TENM1: variants seen among roughly 807,000 people sequenced by gnomAD.
TENM1 encodes the protein teneurin transmembrane protein 1.
TENM1 carries 35 observed loss-of-function variants against 174.8 expected under a neutral mutation model. The observed-to-expected ratio is 0.20, with a 90% CI of 0.15 to 0.27. TENM1 has a LOEUF of 0.27. Among genes scored for constraint, TENM1 ranks in the 10% least tolerant of loss-of-function variants. The pLI is 1.00. For missense variants in TENM1, 1,633 were observed against 2,130.1 expected, an observed-to-expected ratio of 0.77 and a Z score of 4.59; for synonymous variants, 781 against 798.7, an observed-to-expected ratio of 0.98 and a Z score of 0.37.
At chrX:124,976,380 ACT>A in the TENM1 span, among the ~76,000 whole-genome samples, 1 of 111,657 alleles carries the variant, frequency 9.0e-6, no homozygotes, top group Non-Finnish European at 1.9e-5. Flanking sequence ...CAGAGCCTGT[ACT>A]CTTAATTTCT....
chrX:124,591,032 C>G (rs1259974883), intron 11 of TENM1, among the ~76,000 whole-genome samples: 1 of 111,787 alleles, frequency 8.9e-6, no homozygotes, highest in Non-Finnish European at 1.9e-5. Flanking sequence ...TCTGTTTTAT[C>G]TGATATAAGA....
chrX:124,444,403 G>A lies in TENM1; in HGVS notation c.4104+8934C>T, dbSNP rs181366244. Among the ~76,000 whole-genome samples, 723 of 111,982 alleles carry A rather than the reference G, an allele frequency of 6.5e-3. 4 individuals are homozygous for A. Among genetic ancestry groups the A allele is most frequent in the African/African-American group, 0.022 (672 of 30,824 alleles). On this transcript the variant is annotated intron_variant, in intron 23 of 31. Coordinates refer to ENST00000422452, the Ensembl canonical transcript of TENM1. Reference sequence around the variant, plus strand: ...AATTACATCACATCATATGTCAAATGTGTGATACAGCTGTGAAAAAATCCC... The same window carrying A: ...AATTACATCACATCATATGTCAAATATGTGATACAGCTGTGAAAAAATCCC...
At chrX:125,028,765 TA>T in the TENM1 span, among the ~76,000 whole-genome samples, 1 of 111,053 alleles carries the variant, frequency 9.0e-6, no homozygotes, top group Non-Finnish European at 1.9e-5. Context: ...CTGCAACCAA[TA>T]AAAAACAAAG....
At chrX:124,828,320 A>T (rs751416607) in intron 3 of TENM1, among the ~76,000 whole-genome samples, 1 of 112,086 alleles carries the variant, frequency 8.9e-6, no homozygotes. Context: ...TTTCTTTACA[A>T]TTCTTAGATC....
At chrX:124,391,536 GAA>G (rs1490403092) in intron 28 of TENM1, among the ~76,000 whole-genome samples, 1 of 111,286 alleles carries the variant, frequency 9.0e-6, no homozygotes, top group African/African-American at 3.3e-5. Context: ...TCAGTGTACA[GAA>G]AAGAGTATTA....
intron 3 of TENM1, among the ~76,000 whole-genome samples, chrX:124,823,010 C>T (rs958764080): frequency 1.1e-4 from 12 of 112,288 alleles, no homozygotes; most frequent in African/African-American, 3.2e-4. Context: ...TGACCAAGTC[C>T]TAACTGGGTT....
chrX:125,149,113 G>A, the TENM1 span, among the ~76,000 whole-genome samples: 7 of 106,928 alleles, frequency 6.5e-5, no homozygotes, highest in African/African-American at 2.4e-4. Flanking sequence ...GTGTCCCAAT[G>A]CCACTGATGC....
intron 3 of TENM1, among the ~76,000 whole-genome samples, chrX:124,788,560 G>C (rs2055098095): frequency 8.9e-6 from 1 of 112,576 alleles, no homozygotes; most frequent in Non-Finnish European, 1.9e-5. Context: ...TACAGGCATT[G>C]GGTAAATACA....
At chrX:124,780,321 T>G (rs2054879747) in intron 3 of TENM1, among the ~76,000 whole-genome samples, 1 of 112,396 alleles carries the variant, frequency 8.9e-6, no homozygotes, top group Non-Finnish European at 1.9e-5. Context: ...GGTTGTTAGC[T>G]TTTAAGAAAT....
chrX:124,440,259 A>G (rs2060888812), intron 23 of TENM1, among the ~76,000 whole-genome samples: 1 of 112,326 alleles, frequency 8.9e-6, no homozygotes, highest in Non-Finnish European at 1.9e-5. Context: ...CAAAATCAGA[A>G]AAACCACCTT....
intron 27 of TENM1, among the ~76,000 whole-genome samples, chrX:124,397,295 C>G (rs1033044699): frequency 1.8e-5 from 2 of 112,177 alleles, no homozygotes; most frequent in Non-Finnish European, 3.8e-5. Context: ...CATTGTACTA[C>G]GTTGATCTAA....
the TENM1 span, among the ~76,000 whole-genome samples, chrX:125,058,222 T>C: frequency 9.0e-6 from 1 of 111,417 alleles, no homozygotes; most frequent in Admixed American, 9.6e-5. Flanking sequence ...AAGAAATGCA[T>C]ATGGACAAAA....
chrX:124,808,219 A>G (rs1475771433), intron 3 of TENM1, among the ~76,000 whole-genome samples: 1 of 112,163 alleles, frequency 8.9e-6, no homozygotes, highest in Non-Finnish European at 1.9e-5. Flanking sequence ...AGGAAAAACT[A>G]TAAAAATAGA....
At chrX:125,150,750 T>C in the TENM1 span, among the ~76,000 whole-genome samples, 1 of 112,722 alleles carries the variant, frequency 8.9e-6, no homozygotes, top group Non-Finnish European at 1.9e-5. Context: ...CTGCCCTTTA[T>C]TCATAAAAGA....
intron 24 of TENM1, 115 bp from the exon 28 acceptor site, chrX:124,420,936 C>T (rs1193020794): frequency 1.0e-5 from 7 of 699,232 alleles, no homozygotes; most frequent in African/African-American, 2.2e-5. Context: ...ATCAGTGAAC[C>T]AACATTCTCT....
Position 124,671,718 on chromosome X carries a change from A to T in TENM1, c.1133T>A (p.Ile378Asn), listed in dbSNP as rs755351669. The T allele has an allele frequency of 1.7e-6, 2 of 1,206,279 alleles. No individual in the cohort carries two copies. Among genetic ancestry groups the T allele is most frequent in the African/African-American group, 3.5e-5 (2 of 56,963 alleles). ...TGATTTATCAGAAACTTTTCCTCCA[A>T]TTGGAGAGTAAGTAGTGTCCATGGA... Residue 378 changes from isoleucine (I) to asparagine (N), a missense_variant, in exon 6 of 32, where the codon ATT becomes AAT. By Grantham distance (149) the Ile-to-Asn change is moderately radical. This residue lies in a region of TENM1 where 305 missense variants were observed against 309.2 expected (regional missense o/e 0.99). Transcript: ENST00000422452.
At chrX:124,834,328 C>A (rs1467124846) in intron 3 of TENM1, among the ~76,000 whole-genome samples, 1 of 111,145 alleles carries the variant, frequency 9.0e-6, no homozygotes, top group Admixed American at 9.6e-5. Flanking sequence ...CCTGCCACCA[C>A]GCCCGGCTAA....
intron 3 of TENM1, among the ~76,000 whole-genome samples, chrX:124,834,047 C>G (rs1192843895): frequency 9.0e-6 from 1 of 111,513 alleles, no homozygotes. Flanking sequence ...GTCATGCCCC[C>G]CGCCATGCCT....
In TENM1 at chrX:124,948,518, T is replaced by C. The variant is rs940178148; in HGVS notation, c.217+15019A>G. On this transcript the variant is annotated intron_variant, in intron 1 of 31. Coordinates refer to ENST00000422452, the Ensembl canonical transcript of TENM1. ...ATACTCTTTCAGGGTTTAAAAATTG[T>C]ATTATCTGATGTTAATTGTGTATTT... Among the ~76,000 whole-genome samples the C allele has an allele frequency of 6.3e-5, 7 of 111,712 alleles. No individual in the cohort carries two copies. The East Asian group carries it at 1.9e-3, about 31-fold the overall frequency.
Sources: allele counts gnomAD v4.1 joint callset (sites outside exome capture counted in the v4.1 genomes callset), GRCh38; gene constraint gnomAD v4.1.1; regional missense constraint gnomAD v4.1.1; transcripts MANE v1.5; gene names NCBI Gene and HGNC (gene_info 2026-07-23, HGNC 2026-07-21).